Variants in CCDC3 observed in about 807,000 individuals in gnomAD.
The protein encoded by CCDC3 is coiled-coil domain-containing protein 3.
A neutral mutation model predicts 21.4 loss-of-function variants in CCDC3; 24 were observed. That is an observed-to-expected ratio of 1.12 (90% CI 0.81 to 1.58). The LOEUF is 1.58. CCDC3 is among the 40% of genes most tolerant of loss of function. The probability of loss-of-function intolerance (pLI) is 0.00; values close to 1 mark genes in which losing one functional copy is unlikely to be tolerated. For missense variants in CCDC3, 425 were observed against 360.9 expected, an observed-to-expected ratio of 1.18 and a Z score of -1.44; for synonymous variants, 186 against 166.0, an observed-to-expected ratio of 1.12 and a Z score of -0.93.
At chr10:12,987,570 T>C (rs923777533) in intron 2 of CCDC3, among the ~76,000 whole-genome samples, 3 of 152,322 alleles carry the variant, frequency 2.0e-5, no homozygotes, top group East Asian at 1.9e-4. Flanking sequence ...CAGAACTCTA[T>C]TTTAAAACCT....
chr10:12,993,481 A>G (rs1284333716), intron 2 of CCDC3, among the ~76,000 whole-genome samples: 1 of 152,270 alleles, frequency 6.6e-6, no homozygotes, highest in Non-Finnish European at 1.5e-5. Context: ...TTTTCCTTCC[A>G]TTCCATGACA....
intron 2 of CCDC3, among the ~76,000 whole-genome samples, chr10:12,900,043 A>C (rs757302097): frequency 4.6e-5 from 7 of 152,092 alleles, no homozygotes; most frequent in Non-Finnish European, 1.0e-4. Flanking sequence ...TGGTTTTAGA[A>C]AGGGCAGTTC....
intron 2 of CCDC3, among the ~76,000 whole-genome samples, chr10:12,993,662 G>C (rs1295376112): frequency 3.9e-5 from 6 of 152,188 alleles, no homozygotes; most frequent in Non-Finnish European, 8.8e-5. Flanking sequence ...AAATCTGCCA[G>C]TAAATCTGGT....
chr10:12,901,807 C>A (rs1319650256), intron 2 of CCDC3, among the ~76,000 whole-genome samples: 1 of 152,206 alleles, frequency 6.6e-6, no homozygotes, highest in African/African-American at 2.4e-5. Flanking sequence ...TCTTAGTGTT[C>A]TTCCTTCTGT....
intron 2 of CCDC3, among the ~76,000 whole-genome samples, chr10:12,981,357 G>A (rs923378893): frequency 2.6e-5 from 4 of 151,630 alleles, no homozygotes; most frequent in African/African-American, 9.7e-5. Context: ...TTTTTGTATT[G>A]TATTTTTAGT....
upstream of CCDC3, chr10:13,099,853 A>G (rs1832696363): frequency 6.6e-6 from 1 of 152,038 alleles, no homozygotes; most frequent in Non-Finnish European, 1.5e-5. Context: ...AACTCCGCAC[A>G]CTGCATTTGA....
chr10:12,967,982 A>G (rs1159355925), intron 2 of CCDC3, among the ~76,000 whole-genome samples: 1 of 152,130 alleles, frequency 6.6e-6, no homozygotes, highest in Non-Finnish European at 1.5e-5. Flanking sequence ...CAGCCTGACC[A>G]ACATGGTGAA....
intron 1 of CCDC3, 35 bp from the exon 2 acceptor site, chr10:12,998,547 G>C: frequency 6.2e-7 from 1 of 1,600,752 alleles, no homozygotes; most frequent in Non-Finnish European, 8.5e-7. Flanking sequence ...ATGTAGGCTA[G>C]ACAGTCAAGG....
rs1469802117 is a variant in CCDC3, at chr10:13,083,346, CA to C, written c.-502-9247del. Among the ~76,000 whole-genome samples, 7 of 152,298 alleles carry C rather than the reference CA, an allele frequency of 4.6e-5. No individual in the cohort carries two copies. The South Asian group carries it at 1.2e-3, about 27-fold the overall frequency. On this transcript the variant is annotated intron_variant, in intron 3 of 6. Coordinates refer to the CCDC3 transcript ENST00000378839. Reference sequence around the variant, plus strand: ...GAACAAGACATGTTAAGAAAGTTTGCAGAGGAAAAAACTATGAAATCAAGAG... The same window carrying C: ...GAACAAGACATGTTAAGAAAGTTTGCGAGGAAAAAACTATGAAATCAAGAG...
Position 13,019,463 on chromosome 10 carries a change from G to A in CCDC3, c.-1-20951C>T, listed in dbSNP as rs1025846426. Among the ~76,000 whole-genome samples, 7 of 151,950 alleles carry A rather than the reference G, an allele frequency of 4.6e-5. No individual in the cohort carries two copies. In the South Asian group the frequency reaches 6.2e-4, roughly 14 times the overall value. On this transcript the variant is annotated intron_variant, in intron 5 of 6. Coordinates refer to the CCDC3 transcript ENST00000378839. ...TTTCTCCCACCACGTGGTTTTTCAC[G>A]TGCACACAGCATTTACTGATCTTTC... is the stretch of plus-strand genomic sequence containing the variant.
At chr10:13,013,828 C>T (rs952804649) in intron 5 of CCDC3, among the ~76,000 whole-genome samples, 1 of 152,150 alleles carries the variant, frequency 6.6e-6, no homozygotes, top group African/African-American at 2.4e-5. Flanking sequence ...ATAAAAGACC[C>T]TGTAGCTGTT....
intron 2 of CCDC3, among the ~76,000 whole-genome samples, chr10:12,931,208 C>CAAAAA (rs67541166): frequency 1.3e-5 from 1 of 75,046 alleles, no homozygotes; most frequent in African/African-American, 4.7e-5. Context: ...AAGACTCTGT[C>CAAAAA]AAAAAAAAAA....
In CCDC3 at chr10:13,001,118, C is replaced by T. The variant is rs183671209; in HGVS notation, c.374+79G>A. 1.2e-5 allele frequency: 17 copies of T among 1,477,296 alleles called. No homozygotes were observed. The African/African-American group carries it at 1.4e-4, about 12-fold the overall frequency. The allele number at this position is 1,477,296 out of a possible 1,614,324, so 91.5% of individuals were successfully genotyped here. A position where few individuals can be genotyped will look rare whatever the true frequency, so the allele number is the denominator to read the frequency against. On this transcript the variant is annotated intron_variant, in intron 1 of 2. Coordinates refer to ENST00000378825, the MANE Select transcript of CCDC3 (RefSeq NM_031455.4). The stretch of plus-strand genomic sequence containing the variant: ...ACCGACAGGCTGCCCGGGGAGTTAC[C>T]GGCCTGGCTCTAGGTAACGGCGACC...
At chr10:13,030,032 A>T (rs1213447221) in intron 5 of CCDC3, among the ~76,000 whole-genome samples, 1 of 152,208 alleles carries the variant, frequency 6.6e-6, no homozygotes, top group African/African-American at 2.4e-5. Flanking sequence ...TCCAAGACAC[A>T]TAATTGTCAG....
intron 2 of CCDC3, among the ~76,000 whole-genome samples, chr10:12,991,564 C>G (rs943152893): frequency 2.6e-5 from 4 of 152,098 alleles, no homozygotes; most frequent in African/African-American, 9.7e-5. Flanking sequence ...AAACTCCTGA[C>G]CTCAAGGGAT....
intron 2 of CCDC3, among the ~76,000 whole-genome samples, chr10:12,922,600 C>A (rs1343356924): frequency 6.6e-6 from 1 of 152,066 alleles, no homozygotes; most frequent in Non-Finnish European, 1.5e-5. Context: ...GACAACCTCC[C>A]CACCCTTCCT....
intron 2 of CCDC3, among the ~76,000 whole-genome samples, chr10:12,948,078 G>T (rs117907493): frequency 0.041 from 6,240 of 152,200 alleles, 157 homozygotes; most frequent in Non-Finnish European, 0.064. Flanking sequence ...AATCCCCATG[G>T]GTTGTGGCAG....
At chr10:12,961,461 G>A (rs1373371288) in intron 2 of CCDC3, among the ~76,000 whole-genome samples, 4 of 152,114 alleles carry the variant, frequency 2.6e-5, no homozygotes, top group Admixed American at 6.5e-5. Context: ...ATCTTCCATC[G>A]GTCTAAAGTT....
chr10:12,908,971 T>C (rs1834221742), intron 2 of CCDC3, among the ~76,000 whole-genome samples: 1 of 152,110 alleles, frequency 6.6e-6, no homozygotes, highest in Non-Finnish European at 1.5e-5. Context: ...AAGGAAGATG[T>C]TCTACTTTTA....
Sources: gnomAD v4.1 joint callset for allele counts (sites outside exome capture counted in the v4.1 genomes callset) on GRCh38, gnomAD v4.1.1 for gene constraint, MANE v1.5 for transcripts, NCBI Gene and HGNC (gene_info 2026-07-23, HGNC 2026-07-21) for gene names.